CLC: variants seen among roughly 807,000 people sequenced by gnomAD.
CLC encodes the protein Charcot-Leyden crystal galectin, also known as galectin-10.
A neutral mutation model predicts 13.9 loss-of-function variants in CLC; 15 were observed. The observed-to-expected ratio is 1.08, with a 90% CI of 0.72 to 1.66. The LOEUF is 1.66. Among genes scored for constraint, CLC ranks in the 40% most tolerant of loss-of-function variants. CLC has a pLI of 0.00. For missense variants in CLC, 161 were observed against 169.1 expected (o/e 0.95, Z 0.27); for synonymous variants, 68 against 59.9 (o/e 1.14, Z -0.63).
intron 1 of CLC, among the ~76,000 whole-genome samples, chr19:39,736,601 C>T (rs973300419): frequency 6.6e-6 from 1 of 151,920 alleles, no homozygotes; most frequent in African/African-American, 2.4e-5. Context: ...ATGGAGAAAC[C>T]CCATCTCTAC....
intron 1 of CLC, 136 bp downstream of exon 1, chr19:39,737,802 G>A: frequency 1.1e-6 from 1 of 875,828 alleles, no homozygotes; most frequent in South Asian, 1.7e-5. Flanking sequence ...ATAGCCCTAG[G>A]GTCTCTCTTC....
At chr19:39,734,572 C>T in intron 2 of CLC, 79 bp from the exon 3 acceptor site, 5 of 1,283,402 alleles carry the variant, frequency 3.9e-6, no homozygotes, top group Non-Finnish European at 5.6e-6. Flanking sequence ...GTCTCTTTGC[C>T]CCTTCCGTGG....
chr19:39,734,367 C>T lies in CLC; in HGVS notation c.219G>A (p.Lys73=). The change falls in exon 3 of 4, where the codon AAG becomes AAA. Residue 73 remains lysine, a synonymous_variant. Transcript: ENST00000221804. The stretch of plus-strand genomic sequence containing the variant: ...GCATATTCTTGGATTCCACCTGCTG[C>T]TTCCAGGCCCCATACTCACGGCTGT... ...VMNSREYGAW[K]QQVESKNMPF... The T allele has an allele frequency of 1.2e-6, 2 of 1,614,110 alleles. No individual in the cohort carries two copies. Among genetic ancestry groups the T allele is most frequent in the Non-Finnish European group, 1.7e-6 (2 of 1,179,970 alleles).
intron 2 of CLC, 81 bp from the exon 3 acceptor site, chr19:39,734,574 C>G: frequency 8.0e-7 from 1 of 1,253,486 alleles, no homozygotes; most frequent in Non-Finnish European, 1.2e-6. Flanking sequence ...CTCTTTGCCC[C>G]TTCCGTGGTC....
At chr19:39,734,031 G>A in intron 3 of CLC, 1 of 985,398 alleles carries the variant, frequency 1.0e-6, no homozygotes, top group South Asian at 4.7e-5. Context: ...GCAAGGAGAG[G>A]TGATGGCAGA....
At chr19:39,732,562 T>G (rs1202157184) in intron 3 of CLC, among the ~76,000 whole-genome samples, 1 of 114,244 alleles carries the variant, frequency 8.8e-6, no homozygotes, top group South Asian at 3.2e-4. Flanking sequence ...TGTGTCTTTA[T>G]AGCAGCATGA....
intron 1 of CLC, among the ~76,000 whole-genome samples, chr19:39,737,117 A>G (rs529680760): frequency 7.2e-5 from 11 of 151,942 alleles, no homozygotes; most frequent in African/African-American, 2.7e-4. Flanking sequence ...CTGGCACTCA[A>G]TGGGAAGGCC....
Position 39,734,280 on chromosome 19 carries a change from CA to C in CLC, c.303+2del. ...GGGTGCGGGGAGCTCCTGGGGTGCTCACCTGGTACTTATCTGGCAGCACTGA... is the reference window on the plus strand; with the variant it reads ...GGGTGCGGGGAGCTCCTGGGGTGCTCCCTGGTACTTATCTGGCAGCACTGA... On this transcript the variant is annotated splice_donor_variant, in intron 3 of 3. Coordinates refer to ENST00000221804, the MANE Select transcript of CLC (RefSeq NM_001828.6). LOFTEE classifies it high-confidence loss of function. The C allele has an allele frequency of 6.2e-7, 1 of 1,613,084 alleles. No individual in the cohort carries two copies. The highest frequency in any genetic ancestry group is 8.5e-7 in the Non-Finnish European group (1 of 1,179,884).
intron 3 of CLC, 31 bp from the exon 4 acceptor site, chr19:39,731,536 C>T (rs1330384461): frequency 1.3e-6 from 2 of 1,580,072 alleles, no homozygotes; most frequent in Non-Finnish European, 1.7e-6. Context: ...ATCAGAAAGA[C>T]AGTATTTCAC....
Position 39,731,523 on chromosome 19 carries a change from TAC to T in CLC, c.304-20_304-19del. 1 of 1,590,932 alleles carries T rather than the reference TAC, an allele frequency of 6.3e-7. No individual in the cohort carries two copies. ...ACCATTACCTACAGAAGGAAAAAAA[TAC>T]ATCAGAAAGACAGTATTTCACCAAA... On this transcript the variant is annotated intron_variant, in intron 3 of 3. Coordinates refer to ENST00000221804, the MANE Select transcript of CLC (RefSeq NM_001828.6).
chr19:39,734,116 G>A (rs374578425), intron 3 of CLC, 167 bp downstream of exon 3: 1 of 970,930 alleles, frequency 1.0e-6, no homozygotes, highest in Non-Finnish European at 1.2e-6. Flanking sequence ...GTGATAAAAA[G>A]CCTGGGACAG....
At chr19:39,737,506 T>C (rs1170648270) in intron 1 of CLC, among the ~76,000 whole-genome samples, 1 of 151,758 alleles carries the variant, frequency 6.6e-6, no homozygotes, top group African/African-American at 2.4e-5. Context: ...TGCCACTCAC[T>C]GAGTCACACA....
intron 3 of CLC, chr19:39,733,889 A>T: frequency 1.0e-6 from 1 of 966,764 alleles, no homozygotes; most frequent in Non-Finnish European, 1.2e-6. Flanking sequence ...TGTATATCTT[A>T]TCCATTTAGC....
chr19:39,733,862 A>G, intron 3 of CLC: 1 of 908,764 alleles, frequency 1.1e-6, no homozygotes, highest in Non-Finnish European at 1.3e-6. Context: ...GGACTGACTA[A>G]AACAATTTTA....
At chr19:39,734,261 G>A (rs453827) in intron 3 of CLC, 22 bp downstream of exon 3, 1,055,429 of 1,602,160 alleles carry the variant, frequency 0.66, 353,732 homozygotes, top group African/African-American at 0.76. Context: ...AGCCGGGTGC[G>A]GGGAGCTCCT....
intron 3 of CLC, among the ~76,000 whole-genome samples, chr19:39,732,736 C>T (rs1449416310): frequency 6.6e-6 from 1 of 151,078 alleles, no homozygotes; most frequent in Non-Finnish European, 1.5e-5. Context: ...ACATCCTCTC[C>T]AGCACCTGTT....
chr19:39,735,769 G>T (rs1289223290), intron 1 of CLC, among the ~76,000 whole-genome samples: 1 of 152,100 alleles, frequency 6.6e-6, no homozygotes, highest in Non-Finnish European at 1.5e-5. Flanking sequence ...GCACGTATAG[G>T]GCCTGTTGGG....
At chr19:39,733,014 G>A (rs112883439) in intron 3 of CLC, among the ~76,000 whole-genome samples, 5 of 141,626 alleles carry the variant, frequency 3.5e-5, no homozygotes, top group Admixed American at 1.4e-4. Flanking sequence ...GAAAATTTTC[G>A]CAACCTACTC....
chr19:39,734,632 T>C, intron 2 of CLC, 139 bp from the exon 3 acceptor site: 2 of 701,522 alleles, frequency 2.9e-6, no homozygotes, highest in Non-Finnish European at 4.9e-6. Context: ...TGGGGCTGCT[T>C]CAGCTCCTTG....
Sources: gnomAD v4.1 joint callset for allele counts (sites outside exome capture counted in the v4.1 genomes callset) on GRCh38, gnomAD v4.1.1 for gene constraint, MANE v1.5 for transcripts, NCBI Gene and HGNC (gene_info 2026-07-23, HGNC 2026-07-21) for gene names.